MYOM1: variants seen among roughly 807,000 people sequenced by gnomAD.
The protein encoded by MYOM1 is myomesin-1.
Under a neutral mutation model 205.3 loss-of-function variants are expected in MYOM1, and 164 were observed. The observed-to-expected ratio is 0.80, with a 90% CI of 0.70 to 0.91. MYOM1 has a LOEUF of 0.91. Ranked by LOEUF, MYOM1 falls within the 40% of genes least tolerant of loss-of-function variation. The pLI, the probability that MYOM1 is intolerant of heterozygous loss-of-function variation, is 0.00. For missense variants in MYOM1, 2,011 were observed against 2,127.3 expected (o/e 0.95, Z 1.08); for synonymous variants, 772 against 789.4 (o/e 0.98, Z 0.37).
chr18:3,157,550 G>A (rs1300647549), intron 10 of MYOM1, among the ~76,000 whole-genome samples: 1 of 151,766 alleles, frequency 6.6e-6, no homozygotes, highest in Non-Finnish European at 1.5e-5. Context: ...GGTAGTGCGG[G>A]CCTATGTTTC....
intron 19 of MYOM1, 21 bp from the exon 20 acceptor site, chr18:3,120,016 C>G: frequency 6.4e-7 from 1 of 1,563,882 alleles, no homozygotes; most frequent in East Asian, 2.3e-5. Context: ...GACAACATCA[C>G]AGATACTGAA....
chr18:3,108,348 T>C (rs936261233), intron 22 of MYOM1, among the ~76,000 whole-genome samples: 2 of 152,170 alleles, frequency 1.3e-5, no homozygotes, highest in African/African-American at 4.8e-5. Flanking sequence ...AATTTTATAC[T>C]CAGAATTTGA....
At chr18:3,191,986 G>A (rs536768605) in intron 3 of MYOM1, among the ~76,000 whole-genome samples, 38 of 152,252 alleles carry the variant, frequency 2.5e-4, no homozygotes, top group Middle Eastern at 3.4e-3. Flanking sequence ...ATGAGCCACC[G>A]TGCCTGGCCT....
chr18:3,089,480 G>A (rs1944521099), intron 28 of MYOM1, 57 bp downstream of exon 28: 2 of 1,286,608 alleles, frequency 1.6e-6, no homozygotes, highest in Non-Finnish European at 2.2e-6. Flanking sequence ...AAATAACCTT[G>A]GAATCTTTTG....
upstream of MYOM1, chr18:3,220,126 C>T (rs759879715): frequency 1.3e-4 from 20 of 152,012 alleles, no homozygotes; most frequent in Non-Finnish European, 2.4e-4. Flanking sequence ...GGGTCTGGCC[C>T]GATTAAACCA....
chr18:3,221,715 G>A (rs2081331864), upstream of MYOM1, among the ~76,000 whole-genome samples: 1 of 152,344 alleles, frequency 6.6e-6, no homozygotes, highest in South Asian at 2.1e-4. Flanking sequence ...TAGCTTCTGA[G>A]CTACTCAAAG....
intron 34 of MYOM1, among the ~76,000 whole-genome samples, chr18:3,077,127 C>G (rs903096373): frequency 6.6e-6 from 1 of 152,004 alleles, no homozygotes; most frequent in African/African-American, 2.4e-5. Flanking sequence ...ATCCTCTTAC[C>G]TCTGCTTCTC....
chr18:3,197,421 TA>T (rs375094477), intron 2 of MYOM1, among the ~76,000 whole-genome samples: 9 of 152,030 alleles, frequency 5.9e-5, no homozygotes, highest in African/African-American at 2.2e-4. Context: ...CTCCAACCTT[TA>T]TGATCAAGTA....
At chr18:3,183,500 T>G (rs539341814) in intron 5 of MYOM1, among the ~76,000 whole-genome samples, 2 of 152,286 alleles carry the variant, frequency 1.3e-5, no homozygotes, top group South Asian at 4.1e-4. Flanking sequence ...CAGTGGAAAC[T>G]GGTTGGTTGG....
intron 8 of MYOM1, among the ~76,000 whole-genome samples, chr18:3,172,585 C>T (rs2080576229): frequency 6.6e-6 from 1 of 152,072 alleles, no homozygotes; most frequent in Non-Finnish European, 1.5e-5. Context: ...TCTCGGCTTA[C>T]TGCAACCTCT....
At chr18:3,068,764 G>GT (rs1567887147) in intron 37 of MYOM1, among the ~76,000 whole-genome samples, 1 of 152,070 alleles carries the variant, frequency 6.6e-6, no homozygotes, top group East Asian at 1.9e-4. Context: ...GTTTATGCCC[G>GT]TAAGGGTCAT....
intron 34 of MYOM1, among the ~76,000 whole-genome samples, chr18:3,078,361 A>C (rs1567893228): frequency 6.6e-6 from 1 of 152,086 alleles, no homozygotes; most frequent in Non-Finnish European, 1.5e-5. Context: ...TTTTAAAATG[A>C]AGTGGAGGAA....
chr18:3,217,147 G>A, intron 1 of MYOM1: 1 of 152,414 alleles, frequency 6.6e-6, no homozygotes, highest in Non-Finnish European at 1.5e-5. Context: ...GAGTTGTAAG[G>A]TAATAAGTTT....
At chr18:3,116,176 T>C (rs1029245464) in intron 21 of MYOM1, among the ~76,000 whole-genome samples, 155 bp downstream of exon 21, 1 of 152,080 alleles carries the variant, frequency 6.6e-6, no homozygotes, top group African/African-American at 2.4e-5. Context: ...ATCAGAAACT[T>C]CTCCCAGCCC....
chr18:3,225,999 A>C, the MYOM1 span, among the ~76,000 whole-genome samples: 1 of 152,236 alleles, frequency 6.6e-6, no homozygotes, highest in Non-Finnish European at 1.5e-5. Context: ...ACACAATTTC[A>C]AAATCTTGCA....
Position 3,189,947 on chromosome 18 carries a change from G to A in MYOM1, c.432-860C>T, listed in dbSNP as rs985424054. ...GTATGAATAAGTTCTGAATTTACAT[G>A]AGGTTCCTTATGCCTACTGGGTTTC... is the stretch of plus-strand genomic sequence containing the variant. On this transcript the variant is annotated intron_variant, in intron 3 of 37. Transcript: ENST00000356443. The surrounding 1 kb of genome is among the most constrained non-coding windows in gnomAD (Gnocchi z 4.8). Among the ~76,000 whole-genome samples, 1 of 152,122 alleles carries A rather than the reference G, an allele frequency of 6.6e-6. No individual in the cohort carries two copies. Among genetic ancestry groups the A allele is most frequent in the Non-Finnish European group, 1.5e-5 (1 of 68,034 alleles).
intron 2 of MYOM1, among the ~76,000 whole-genome samples, chr18:3,205,435 A>G (rs1201073981): frequency 1.3e-5 from 2 of 152,238 alleles, no homozygotes; most frequent in Non-Finnish European, 2.9e-5. Flanking sequence ...ACTAAAGAAG[A>G]TACAGAAATG....
chr18:3,075,595 TG>T, intron 35 of MYOM1, 119 bp from the exon 36 acceptor site: 1 of 1,401,214 alleles, frequency 7.1e-7, no homozygotes, highest in Non-Finnish European at 1.0e-6. Flanking sequence ...AATATAACAA[TG>T]GGAAGTGCTG....
chr18:3,107,046 A>G (rs1598676265), intron 22 of MYOM1, among the ~76,000 whole-genome samples: 1 of 152,232 alleles, frequency 6.6e-6, no homozygotes. Context: ...CTACTGGTGG[A>G]TTTATTAAAT....
Sources: gnomAD v4.1 joint callset for allele counts (sites outside exome capture counted in the v4.1 genomes callset) on GRCh38, gnomAD v4.1.1 for gene constraint, Gnocchi (gnomAD v3.1) non-coding constraint, MANE v1.5 for transcripts, NCBI Gene and HGNC (gene_info 2026-07-23, HGNC 2026-07-21) for gene names.